Variants in NBPF12 observed in about 807,000 individuals in gnomAD.
NBPF12 encodes NBPF member 12, also known as NBPF family member NBPF12.
NBPF12 carries 115 observed loss-of-function variants against 146.4 expected under a neutral mutation model. The observed-to-expected ratio is 0.79, with a 90% confidence interval of 0.68 to 0.92. NBPF12 has a LOEUF of 0.92. NBPF12 is among the 40% of genes least tolerant of loss of function. The pLI, the probability that NBPF12 is intolerant of heterozygous loss-of-function variation, is 0.00. For missense variants in NBPF12, 1,205 were observed against 1,326.8 expected, an observed-to-expected ratio of 0.91 and a Z score of 1.43; for synonymous variants, 385 against 508.9, an observed-to-expected ratio of 0.76 and a Z score of 3.28.
At chr1:146,950,815 TGATA>T (rs1407500560) in intron 1 of NBPF12, among the ~76,000 whole-genome samples, 1 of 152,134 alleles carries the variant, frequency 6.6e-6, no homozygotes, top group Non-Finnish European at 1.5e-5. Context: ...ATTCTTGTAT[TGATA>T]GATATTTGAA....
upstream of NBPF12, among the ~76,000 whole-genome samples, chr1:146,946,819 A>G (rs1306984068): frequency 1.5e-4 from 23 of 151,182 alleles, no homozygotes; most frequent in South Asian, 2.1e-4. Context: ...ATGGTTTTGC[A>G]CTTACATTTA....
rs1248098970 is a variant in NBPF12 at position 146,952,505 on chromosome 1, A to G, written c.-184+1016A>G. ...CCTTTATAATACAACTGTTGGAACA[A>G]CAGTTGAAAATAACAATATCTTGAC... is the stretch of plus-strand genomic sequence containing the variant. On this transcript the variant is annotated intron_variant, in intron 2 of 33. Coordinates refer to ENST00000617844, the Ensembl canonical transcript of NBPF12. 1.5e-3 allele frequency among the ~76,000 whole-genome samples: 221 copies of G among 151,776 alleles called. 4 individuals are homozygous for G. Among genetic ancestry groups the G allele is most frequent in the African/African-American group, 5.0e-3 (205 of 41,246 alleles).
chr1:146,938,526 C>T (rs1325467897), upstream of NBPF12, among the ~76,000 whole-genome samples: 1 of 152,142 alleles, frequency 6.6e-6, no homozygotes, highest in Non-Finnish European at 1.5e-5. Context: ...TTTCCCGTCC[C>T]CGCTGCGCTC....
chr1:146,966,639 G>A (rs1656231220), exon 9 of NBPF12: 1 of 1,506,980 alleles, frequency 6.6e-7, no homozygotes, highest in African/African-American at 1.4e-5. Context: ...TAACTCAACT[G>A]GCCGGCTTCC....
chr1:146,955,007 T>TAC lies in NBPF12; in HGVS notation c.-184+3519_-184+3520insCA, dbSNP rs1317734006. Among the ~76,000 whole-genome samples the TAC allele has an allele frequency of 7.8e-5, 6 of 77,100 alleles. No homozygotes were observed. In the Admixed American group the frequency reaches 8.4e-4, roughly 11 times the overall value. The allele number at this position is 77,100 out of a possible 152,430, so 50.6% of individuals were successfully genotyped here. The stretch of plus-strand genomic sequence containing the variant: ...ATATATATATATATATATATATATA[T>TAC]ATATATACACACACACACACATATA... On this transcript the variant is annotated intron_variant, in intron 2 of 33. Coordinates refer to ENST00000617844, the Ensembl canonical transcript of NBPF12.
At chr1:146,945,694 TCTC>T (rs1452803785), upstream of NBPF12, among the ~76,000 whole-genome samples, 1 of 151,668 alleles carries the variant, frequency 6.6e-6, no homozygotes, top group Non-Finnish European at 1.5e-5. Context: ...TACAGAGAGT[TCTC>T]CTAGGCTCCC....
intron 4 of NBPF12, among the ~76,000 whole-genome samples, chr1:146,961,069 C>A (rs1312151892): frequency 2.0e-5 from 3 of 151,928 alleles, no homozygotes; most frequent in Non-Finnish European, 4.4e-5. Context: ...GCCTTTGAAC[C>A]CAGCAGGCAG....
chr1:146,987,522 G>T (rs1449361470), intron 25 of NBPF12, among the ~76,000 whole-genome samples: 1 of 152,026 alleles, frequency 6.6e-6, no homozygotes, highest in Non-Finnish European at 1.5e-5. Flanking sequence ...TATTCTCATG[G>T]TGACTGCATG....
At chr1:146,943,140 G>A (rs1365492852) in intron 1 of NBPF12, among the ~76,000 whole-genome samples, 151 bp from the exon 2 acceptor site, 7 of 151,152 alleles carry the variant, frequency 4.6e-5, no homozygotes, top group Admixed American at 4.6e-4. Flanking sequence ...GATTACATAT[G>A]ACAGAAACCC....
At chr1:146,939,137 G>C (rs1358463338) in intron 1 of NBPF12, among the ~76,000 whole-genome samples, 125 bp downstream of exon 1, 1 of 152,024 alleles carries the variant, frequency 6.6e-6, no homozygotes, top group African/African-American at 2.4e-5. Context: ...CTCCGCCGGG[G>C]CCTAAGTTCC....
intron 1 of NBPF12, among the ~76,000 whole-genome samples, chr1:146,950,405 A>C (rs1367067324): frequency 3.9e-5 from 6 of 152,030 alleles, no homozygotes; most frequent in South Asian, 2.1e-4. Context: ...ATAGAATAAC[A>C]ACTACAGTGA....
chr1:146,976,702 C>T (rs1196918470), intron 16 of NBPF12, among the ~76,000 whole-genome samples: 1 of 151,764 alleles, frequency 6.6e-6, no homozygotes, highest in Non-Finnish European at 1.5e-5. Flanking sequence ...AGCAAAAGAT[C>T]TTTTCAGTAT....
rs1281490565 is a variant in NBPF12 at position 146,969,681 on chromosome 1, A to T, written c.1306+85A>T. On this transcript the variant is annotated intron_variant, in intron 11 of 33. Transcript: ENST00000617844. Reference sequence around the variant, plus strand: ...TCCATACTTTCACAATGACAGTTGTATCAGTGGGGTTTTTTTCTACTACAC... The same window carrying T: ...TCCATACTTTCACAATGACAGTTGTTTCAGTGGGGTTTTTTTCTACTACAC... The T allele has an allele frequency of 5.7e-5, 87 of 1,535,128 alleles. 1 individual carries two copies. The highest frequency in any genetic ancestry group is 7.5e-5 in the Non-Finnish European group (84 of 1,114,292).
chr1:146,982,298 C>G (rs1229705610), intron 19 of NBPF12, among the ~76,000 whole-genome samples: 11,755 of 143,566 alleles, frequency 0.082, 588 homozygotes, highest in East Asian at 0.21. Flanking sequence ...AGTTTTCCTT[C>G]TAACAGTCAG....
At chr1:146,972,707 C>A (rs1656734720) in intron 13 of NBPF12, 44 bp from the exon 17 acceptor site, 2 of 1,388,010 alleles carry the variant, frequency 1.4e-6, no homozygotes, top group East Asian at 2.3e-5. Context: ...TATTTCATTT[C>A]ATCAGTTTTT....
chr1:146,949,126 G>A (rs1260623959), upstream of NBPF12, among the ~76,000 whole-genome samples: 2 of 152,134 alleles, frequency 1.3e-5, no homozygotes, highest in African/African-American at 4.8e-5. Context: ...GGAACTCAGA[G>A]GCCAGTGCCG....
chr1:146,974,083 C>T (rs1407616732), intron 14 of NBPF12, among the ~76,000 whole-genome samples: 2 of 150,538 alleles, frequency 1.3e-5, no homozygotes, highest in Non-Finnish European at 2.9e-5. Flanking sequence ...TATTTCTTGT[C>T]AATCTCCTAG....
Position 146,955,087 on chromosome 1 carries a change from TGAATA to T in NBPF12, c.-184+3601_-184+3605del, listed in dbSNP as rs1437471735. On this transcript the variant is annotated intron_variant, in intron 2 of 33. Coordinates refer to ENST00000617844, the Ensembl canonical transcript of NBPF12. The stretch of plus-strand genomic sequence containing the variant: ...CAATGAAACAATTTCTCAAAAGACT[TGAATA>T]GATACTTCAGAAAAGAAGATACATG... Among the ~76,000 whole-genome samples, 61 of 98,526 alleles carry T rather than the reference TGAATA, an allele frequency of 6.2e-4. 2 individuals are homozygous for T. In the South Asian group the frequency reaches 0.022, roughly 35 times the overall value. 64.6% of individuals were successfully genotyped at this position (98,526 alleles called of 152,430 possible).
At chr1:146,994,095 T>A (rs1157616760) in intron 33 of NBPF12, among the ~76,000 whole-genome samples, 1 of 65,194 alleles carries the variant, frequency 1.5e-5, no homozygotes, top group Admixed American at 1.4e-4. Flanking sequence ...TCACTTTCTC[T>A]CTGTCTCTGT....
Sources: gnomAD v4.1 joint callset for allele counts (sites outside exome capture counted in the v4.1 genomes callset) on GRCh38, gnomAD v4.1.1 for gene constraint, MANE v1.5 for transcripts, NCBI Gene and HGNC (gene_info 2026-07-23, HGNC 2026-07-21) for gene names.